The following CNOT2 variants were observed in gnomAD, a reference collection of about 807,000 sequenced individuals.
CNOT2 encodes CC chemokine receptor 4-negative regulator of transcription 2.
CNOT2 carries 7 observed loss-of-function variants against 72.1 expected under a neutral mutation model. That is an observed-to-expected ratio of 0.10 (90% CI 0.06 to 0.18). The LOEUF (loss-of-function observed/expected upper bound fraction) is 0.18, where lower values mean the gene tolerates loss of function less well. CNOT2 is among the 10% of genes least tolerant of loss of function. The pLI is 1.00. For synonymous variants in CNOT2, 196 were observed against 225.6 expected, an observed-to-expected ratio of 0.87 and a Z score of 1.17; for missense variants, 345 against 660.3, an observed-to-expected ratio of 0.52 and a Z score of 5.23.
intron 2 of CNOT2, among the ~76,000 whole-genome samples, chr12:70,285,862 GA>G (rs1334434842): frequency 1.3e-5 from 2 of 152,086 alleles, no homozygotes; most frequent in Non-Finnish European, 2.9e-5. Context: ...TAGCCAGTTT[GA>G]AATTGGGAGA....
At chr12:70,291,028 T>C (rs2135865516) in intron 2 of CNOT2, among the ~76,000 whole-genome samples, 1 of 152,306 alleles carries the variant, frequency 6.6e-6, no homozygotes, top group African/African-American at 2.4e-5. Flanking sequence ...ACAGTACAGG[T>C]CAGTAAATGA....
At chr12:70,311,145 C>T (rs1876389268) in intron 3 of CNOT2, 128 bp downstream of exon 3, 3 of 594,034 alleles carry the variant, frequency 5.1e-6, no homozygotes, top group Admixed American at 5.7e-5. Flanking sequence ...CAGTGCTAGT[C>T]CCTTTGGTGC....
At chr12:70,337,878 A>G in intron 9 of CNOT2, 2 of 387,016 alleles carry the variant, frequency 5.2e-6, no homozygotes, top group South Asian at 2.0e-5. Context: ...GATTCAACCA[A>G]CTCAGCTTCT....
intron 2 of CNOT2, among the ~76,000 whole-genome samples, chr12:70,291,911 T>G (rs779886619): frequency 6.6e-6 from 1 of 152,170 alleles, no homozygotes; most frequent in Admixed American, 6.5e-5. Context: ...CACTCCAGTC[T>G]GGGCGACAGA....
At chr12:70,337,359 G>A (rs770507441) in intron 8 of CNOT2, 30 bp from the exon 9 acceptor site, 121 of 1,572,746 alleles carry the variant, frequency 7.7e-5, no homozygotes, top group Non-Finnish European at 3.0e-5. Flanking sequence ...AATATCAATT[G>A]CAATTCTCCG....
chr12:70,287,878 G>T (rs1420869181), intron 2 of CNOT2, among the ~76,000 whole-genome samples: 1 of 149,620 alleles, frequency 6.7e-6, no homozygotes, highest in Non-Finnish European at 1.5e-5. Context: ...TGAGCACTGG[G>T]TAGAAGGGGA....
intron 2 of CNOT2, among the ~76,000 whole-genome samples, chr12:70,304,036 C>T (rs868338130): frequency 2.0e-5 from 3 of 152,166 alleles, no homozygotes; most frequent in Non-Finnish European, 2.9e-5. Context: ...GTTCTCGTGC[C>T]GTGGTTTTCA....
chr12:70,307,915 C>G (rs903361494), intron 2 of CNOT2: 11 of 149,896 alleles, frequency 7.3e-5, no homozygotes, highest in African/African-American at 2.5e-4. Flanking sequence ...AAAAAAAAAG[C>G]CAAATTAAGT....
intron 1 of CNOT2, among the ~76,000 whole-genome samples, chr12:70,246,650 G>A (rs748624999): frequency 2.6e-5 from 4 of 152,194 alleles, no homozygotes; most frequent in Non-Finnish European, 5.9e-5. Flanking sequence ...TTTGAAAAGA[G>A]CTGTGCTAAA....
In CNOT2 at chr12:70,299,697, T is replaced by C. The variant is rs1024574543; in HGVS notation, c.49-11198T>C. 6.6e-5 allele frequency among the ~76,000 whole-genome samples: 10 copies of C among 152,160 alleles called. 1 individual carries two copies. The highest frequency in any genetic ancestry group is 1.9e-4 in the African/African-American group (8 of 41,426). ...TGCAGTAAACATAAGTGTGCATGTG[T>C]CTTTATAGTAGCATGATTTATAATC... On this transcript the variant is annotated intron_variant, in intron 2 of 15. Coordinates refer to ENST00000229195, the MANE Select transcript of CNOT2 (RefSeq NM_014515.7).
rs189480894 is a variant in CNOT2 at position 70,299,583 on chromosome 12, A to T, written c.49-11312A>T. Among the ~76,000 whole-genome samples the T allele has an allele frequency of 3.2e-3, 494 of 152,248 alleles. 1 individual carries two copies. Among genetic ancestry groups the T allele is most frequent in the Non-Finnish European group, 5.4e-3 (365 of 68,028 alleles). ...CTTTTTTATGACTGCATAGTATTCC[A>T]TGGTGTATATGTGCCACATTTTCTT... On this transcript the variant is annotated intron_variant, in intron 2 of 15. Coordinates refer to ENST00000229195, the MANE Select transcript of CNOT2 (RefSeq NM_014515.7).
chr12:70,274,573 A>C (rs1252695068), intron 1 of CNOT2, among the ~76,000 whole-genome samples: 1 of 152,126 alleles, frequency 6.6e-6, no homozygotes, highest in African/African-American at 2.4e-5. Flanking sequence ...GCATTGTTTA[A>C]ATACTATTGA....
intron 2 of CNOT2, chr12:70,297,706 A>G (rs1364145379): frequency 2.5e-5 from 8 of 315,224 alleles, no homozygotes; most frequent in Non-Finnish European, 4.3e-5. Context: ...AGTTATTTCT[A>G]CTTATCTGAA....
intron 1 of CNOT2, among the ~76,000 whole-genome samples, chr12:70,274,785 C>T (rs1329029434): frequency 6.6e-6 from 1 of 151,874 alleles, no homozygotes; most frequent in East Asian, 1.9e-4. Context: ...AACGTGTGGC[C>T]TTTGGGGTCT....
intron 15 of CNOT2, chr12:70,346,663 G>C (rs894415390): frequency 6.0e-6 from 1 of 166,138 alleles, no homozygotes; most frequent in Admixed American, 6.4e-5. Context: ...TTTAAGCAAG[G>C]ATGAGATTTT....
At chr12:70,297,499 T>C (rs1873017270) in intron 2 of CNOT2, among the ~76,000 whole-genome samples, 1 of 152,230 alleles carries the variant, frequency 6.6e-6, no homozygotes, top group African/African-American at 2.4e-5. Flanking sequence ...GGAATTGTTT[T>C]TGTTTTAACA....
intron 2 of CNOT2, among the ~76,000 whole-genome samples, chr12:70,304,957 G>T (rs770519120): frequency 3.3e-5 from 5 of 152,222 alleles, no homozygotes; most frequent in Admixed American, 2.0e-4. Context: ...CTCCGTGGGC[G>T]TAGGACCCTC....
intron 2 of CNOT2, among the ~76,000 whole-genome samples, chr12:70,292,373 A>G (rs558296748): frequency 1.3e-5 from 2 of 152,330 alleles, no homozygotes; most frequent in East Asian, 3.9e-4. Flanking sequence ...GAGAAGACTA[A>G]GGAAATGTAA....
intron 1 of CNOT2, among the ~76,000 whole-genome samples, chr12:70,247,712 G>A (rs908883358): frequency 3.3e-5 from 5 of 152,178 alleles, no homozygotes; most frequent in African/African-American, 1.2e-4. Flanking sequence ...CACCTGAGAG[G>A]TATGGCCTTG....
Sources: gnomAD v4.1 joint callset for allele counts (sites outside exome capture counted in the v4.1 genomes callset) on GRCh38, gnomAD v4.1.1 for gene constraint, MANE v1.5 for transcripts, NCBI Gene and HGNC (gene_info 2026-07-23, HGNC 2026-07-21) for gene names.